EBF1: variants seen among roughly 807,000 people sequenced by gnomAD.
EBF1 encodes EBF transcription factor 1.
A neutral mutation model predicts 68.4 loss-of-function variants in EBF1; 10 were observed. The ratio of observed to expected loss-of-function variants is 0.15; its 90% CI spans 0.09 to 0.25. The LOEUF (loss-of-function observed/expected upper bound fraction) is 0.25, where lower values mean the gene tolerates loss of function less well. EBF1 is among the 10% of genes least tolerant of loss of function. The pLI is 1.00. For missense variants in EBF1, 509 were observed against 794.4 expected (o/e 0.64, Z 4.32); for synonymous variants, 298 against 299.8 (o/e 0.99, Z 0.06).
rs182282604 is a variant in EBF1 at position 159,021,950 on chromosome 5, G to A, written c.554+51446C>T. Among the ~76,000 whole-genome samples, 457 of 150,226 alleles carry A rather than the reference G, an allele frequency of 3.0e-3. 13 individuals are homozygous for A. The highest frequency in any genetic ancestry group is 0.026 in the Admixed American group (391 of 14,918). ...GCACAGCTTTAATGCCTGCATTACC[G>A]CTGCTAATTGTGAAACGCTGTGTTG... is the stretch of plus-strand genomic sequence containing the variant. On this transcript the variant is annotated intron_variant, in intron 6 of 15. Coordinates refer to ENST00000313708, the MANE Select transcript of EBF1 (RefSeq NM_024007.5).
chr5:158,951,292 C>A (rs192925606), intron 6 of EBF1, among the ~76,000 whole-genome samples: 3 of 152,288 alleles, frequency 2.0e-5, no homozygotes, highest in Admixed American at 2.0e-4. Flanking sequence ...CCATGTTGAA[C>A]AATGGCTACA....
At chr5:158,978,835 C>CACAG (rs753714441) in intron 6 of EBF1, among the ~76,000 whole-genome samples, 2,038 of 146,902 alleles carry the variant, frequency 0.014, 31 homozygotes, top group African/African-American at 0.042. Flanking sequence ...CACACACACA[C>CACAG]AGAGAGAGAG....
At chr5:158,895,988 T>C (rs1802106232) in intron 6 of EBF1, among the ~76,000 whole-genome samples, 1 of 152,166 alleles carries the variant, frequency 6.6e-6, no homozygotes. Flanking sequence ...AGGAAAGGAA[T>C]TCCCAATTAC....
chr5:159,028,365 A>G (rs933499719), intron 6 of EBF1, among the ~76,000 whole-genome samples: 1 of 152,218 alleles, frequency 6.6e-6, no homozygotes, highest in African/African-American at 2.4e-5. Flanking sequence ...GCTTCTGAAA[A>G]GATGCTATCA....
chr5:158,888,213 GA>G (rs1295712790), intron 6 of EBF1, among the ~76,000 whole-genome samples: 2 of 152,110 alleles, frequency 1.3e-5, no homozygotes, highest in Non-Finnish European at 2.9e-5. Context: ...AGTTGGTGAA[GA>G]AATGAAAGAG....
chr5:158,886,055 G>C (rs1799973600), intron 6 of EBF1, among the ~76,000 whole-genome samples: 1 of 152,182 alleles, frequency 6.6e-6, no homozygotes, highest in Non-Finnish European at 1.5e-5. Flanking sequence ...GTGTGAATGG[G>C]AAGGTGTGCC....
At chr5:158,948,574 C>G (rs534106468) in intron 6 of EBF1, among the ~76,000 whole-genome samples, 1 of 152,292 alleles carries the variant, frequency 6.6e-6, no homozygotes, top group East Asian at 1.9e-4. Flanking sequence ...CCTGCTATCT[C>G]TCTGTATCAT....
intron 6 of EBF1, among the ~76,000 whole-genome samples, chr5:158,909,046 C>T (rs1422475628): frequency 1.3e-5 from 2 of 151,894 alleles, no homozygotes; most frequent in South Asian, 2.1e-4. Context: ...AGCTGTGACC[C>T]CCGGGCTGGG....
At chr5:158,830,157 A>C (rs1245525743) in intron 7 of EBF1, among the ~76,000 whole-genome samples, 1 of 152,166 alleles carries the variant, frequency 6.6e-6, no homozygotes, top group Non-Finnish European at 1.5e-5. Context: ...TTGGAAAACT[A>C]AGGCCCAGGA....
intron 6 of EBF1, among the ~76,000 whole-genome samples, chr5:159,064,003 C>T (rs1002885296): frequency 2.0e-5 from 3 of 151,848 alleles, no homozygotes; most frequent in African/African-American, 7.3e-5. Flanking sequence ...ATGCCTTTGC[C>T]ATCATACTGT....
At chr5:158,754,111 T>C (rs1040148019) in intron 10 of EBF1, among the ~76,000 whole-genome samples, 1 of 152,150 alleles carries the variant, frequency 6.6e-6, no homozygotes, top group African/African-American at 2.4e-5. Flanking sequence ...CATTGACTAA[T>C]ACTTCTATTA....
chr5:159,090,033 C>T (rs1384854990), intron 4 of EBF1, among the ~76,000 whole-genome samples: 2 of 151,948 alleles, frequency 1.3e-5, no homozygotes, highest in Non-Finnish European at 2.9e-5. Context: ...GCCAAACCTA[C>T]TTTGTCACCT....
chr5:158,949,770 G>T (rs1298089606), intron 6 of EBF1, among the ~76,000 whole-genome samples: 1 of 152,184 alleles, frequency 6.6e-6, no homozygotes, highest in African/African-American at 2.4e-5. Flanking sequence ...AACTTCAAAT[G>T]TGCGCTAAGC....
chr5:158,851,271 A>G (rs1792590372), intron 6 of EBF1, among the ~76,000 whole-genome samples: 2 of 150,392 alleles, frequency 1.3e-5, no homozygotes, highest in Non-Finnish European at 3.0e-5. Context: ...GCTACTCAGG[A>G]GACTGAGGCA....
At position 158,725,113 on chromosome 5, in the gene EBF1, T is replaced by C. The variant is rs141966853; in HGVS notation, c.1125+5956A>G. On this transcript the variant is annotated intron_variant, in intron 11 of 15. Coordinates refer to ENST00000313708, the MANE Select transcript of EBF1 (RefSeq NM_024007.5). The stretch of plus-strand genomic sequence containing the variant: ...CTTCATAGAGACTGAGATTTTCGAA[T>C]GCCAGTGAAGGAGAAGCTACCGTGA... Among the ~76,000 whole-genome samples the C allele has an allele frequency of 7.3e-3, 1,116 of 152,326 alleles. 9 individuals carry two copies. Among genetic ancestry groups the C allele is most frequent in the African/African-American group, 0.025 (1,040 of 41,574 alleles).
chr5:158,811,470 A>T (rs1433648519), intron 8 of EBF1, among the ~76,000 whole-genome samples: 1 of 152,230 alleles, frequency 6.6e-6, no homozygotes, highest in African/African-American at 2.4e-5. Flanking sequence ...AAAGCTGCAG[A>T]TAAAAACCTA....
At chr5:158,929,054 T>C (rs1301679958) in intron 6 of EBF1, among the ~76,000 whole-genome samples, 1 of 152,128 alleles carries the variant, frequency 6.6e-6, no homozygotes, top group African/African-American at 2.4e-5. Context: ...GAAATAAACA[T>C]CCATTTTCGA....
intron 7 of EBF1, among the ~76,000 whole-genome samples, chr5:158,832,042 T>C (rs1787702248): frequency 6.6e-6 from 1 of 152,222 alleles, no homozygotes; most frequent in Non-Finnish European, 1.5e-5. Context: ...ACTAGAGCTC[T>C]ACAAGTTACA....
chr5:158,919,939 C>A (rs1266057909), intron 6 of EBF1, among the ~76,000 whole-genome samples: 1 of 152,062 alleles, frequency 6.6e-6, no homozygotes, highest in Non-Finnish European at 1.5e-5. Flanking sequence ...TTGCCCATAG[C>A]CCCACAAAAG....
Sources: gnomAD v4.1 joint callset for allele counts (sites outside exome capture counted in the v4.1 genomes callset) on GRCh38, gnomAD v4.1.1 for gene constraint, MANE v1.5 for transcripts, NCBI Gene and HGNC (gene_info 2026-07-23, HGNC 2026-07-21) for gene names.